Variants in SKAP1 observed in about 807,000 individuals in gnomAD.
The protein encoded by SKAP1 is src kinase associated phosphoprotein 1.
A neutral mutation model predicts 58.5 loss-of-function variants in SKAP1; 44 were observed. The observed-to-expected ratio is 0.75, with a 90% confidence interval of 0.59 to 0.97. The LOEUF (loss-of-function observed/expected upper bound fraction) is 0.97, where lower values mean the gene tolerates loss of function less well. Among genes scored for constraint, SKAP1 ranks in the 50% least tolerant of loss-of-function variants. The pLI is 0.00. For synonymous variants in SKAP1, 127 were observed against 149.7 expected, an observed-to-expected ratio of 0.85 and a Z score of 1.11; for missense variants, 390 against 435.2, an observed-to-expected ratio of 0.90 and a Z score of 0.92.
At chr17:48,196,234 T>C (rs1015845993) in intron 4 of SKAP1, among the ~76,000 whole-genome samples, 2 of 152,176 alleles carry the variant, frequency 1.3e-5, no homozygotes, top group African/African-American at 2.4e-5. Flanking sequence ...TGAGGAAAGA[T>C]TGGGTCTTCC....
At chr17:48,286,870 G>A (rs901569514) in intron 4 of SKAP1, among the ~76,000 whole-genome samples, 2 of 152,282 alleles carry the variant, frequency 1.3e-5, no homozygotes, top group Middle Eastern at 3.4e-3. Flanking sequence ...GGCCAAGGCG[G>A]GTGGATCACG....
intron 4 of SKAP1, chr17:48,204,115 C>T (rs1198760036): frequency 1.3e-5 from 2 of 149,836 alleles, no homozygotes; most frequent in Admixed American, 6.7e-5. Flanking sequence ...CAGAGTTTCA[C>T]TCTTGTTGCC....
chr17:48,187,636 G>A (rs2064475912), intron 6 of SKAP1, among the ~76,000 whole-genome samples: 1 of 152,126 alleles, frequency 6.6e-6, no homozygotes, highest in Non-Finnish European at 1.5e-5. Context: ...CACACTCTTA[G>A]TGTTTAAAGG....
intron 4 of SKAP1, among the ~76,000 whole-genome samples, chr17:48,213,801 C>A (rs1567823554): frequency 6.6e-6 from 1 of 152,154 alleles, no homozygotes; most frequent in Non-Finnish European, 1.5e-5. Flanking sequence ...CAGAGGAAGA[C>A]TTTTTTCCCT....
chr17:48,290,848 A>T (rs2065889554), intron 4 of SKAP1, among the ~76,000 whole-genome samples: 1 of 152,254 alleles, frequency 6.6e-6, no homozygotes, highest in Non-Finnish European at 1.5e-5. Flanking sequence ...CAAAAAATTA[A>T]AGACACTTCT....
intron 2 of SKAP1, among the ~76,000 whole-genome samples, chr17:48,389,723 C>G (rs1463164010): frequency 6.6e-6 from 1 of 152,102 alleles, no homozygotes; most frequent in Non-Finnish European, 1.5e-5. Context: ...AGGCTACACA[C>G]TAGGAGAGAA....
chr17:48,158,687 G>A (rs1167431488), intron 11 of SKAP1, among the ~76,000 whole-genome samples: 1 of 151,698 alleles, frequency 6.6e-6, no homozygotes, highest in Non-Finnish European at 1.5e-5. Flanking sequence ...GAGGCCGGGC[G>A]CAGTGGCTCA....
intron 4 of SKAP1, among the ~76,000 whole-genome samples, chr17:48,195,307 C>T (rs894189530): frequency 2.0e-5 from 3 of 152,132 alleles, no homozygotes; most frequent in African/African-American, 4.8e-5. Context: ...TGTCATCTTC[C>T]GATGCTAACA....
intron 2 of SKAP1, among the ~76,000 whole-genome samples, chr17:48,383,535 T>G (rs1311575716): frequency 3.3e-5 from 5 of 152,126 alleles, no homozygotes; most frequent in African/African-American, 1.2e-4. Context: ...CATTTTCATG[T>G]GTATGTATTT....
intron 4 of SKAP1, among the ~76,000 whole-genome samples, chr17:48,314,538 A>T (rs1044606146): frequency 7.2e-5 from 11 of 152,332 alleles, no homozygotes; most frequent in Non-Finnish European, 1.5e-4. Flanking sequence ...GGGAAAAAAA[A>T]GTAGGTGGCT....
intron 4 of SKAP1, among the ~76,000 whole-genome samples, chr17:48,275,193 C>T (rs1268241413): frequency 3.9e-5 from 6 of 152,184 alleles, no homozygotes; most frequent in Non-Finnish European, 2.9e-5. Flanking sequence ...TGGCTCCCAC[C>T]TTTAAAGCTA....
chr17:48,439,066 C>CTA, the SKAP1 span, among the ~76,000 whole-genome samples: 7 of 152,204 alleles, frequency 4.6e-5, no homozygotes, highest in Non-Finnish European at 8.8e-5. Context: ...TAATTTCAGG[C>CTA]TATACCATGT....
intron 4 of SKAP1, among the ~76,000 whole-genome samples, chr17:48,243,363 T>G (rs1316688655): frequency 6.6e-6 from 1 of 152,236 alleles, no homozygotes; most frequent in Non-Finnish European, 1.5e-5. Flanking sequence ...TTCTTCCCTT[T>G]GTTCTATAAA....
intron 4 of SKAP1, among the ~76,000 whole-genome samples, chr17:48,277,410 C>T (rs1644639841): frequency 6.6e-6 from 1 of 152,172 alleles, no homozygotes; most frequent in Non-Finnish European, 1.5e-5. Context: ...TGAAATTAAA[C>T]ATTTAAAAAG....
chr17:48,249,682 C>T (rs912328279), intron 4 of SKAP1, among the ~76,000 whole-genome samples: 3 of 151,792 alleles, frequency 2.0e-5, no homozygotes, highest in African/African-American at 7.3e-5. Context: ...AAAACAAAAC[C>T]CGGAAGCCCC....
At chr17:48,409,792 C>T (rs141074803) in intron 1 of SKAP1, among the ~76,000 whole-genome samples, 2 of 151,868 alleles carry the variant, frequency 1.3e-5, no homozygotes, top group East Asian at 1.9e-4. Flanking sequence ...CCGTATCATA[C>T]TATAATGGCA....
chr17:48,439,679 T>G, the SKAP1 span, among the ~76,000 whole-genome samples: 1 of 152,170 alleles, frequency 6.6e-6, no homozygotes, highest in Non-Finnish European at 1.5e-5. Flanking sequence ...ATCAGCACAA[T>G]TCATGCAGCT....
chr17:48,198,928 A>G lies in SKAP1; in HGVS notation c.281-9428T>C, dbSNP rs560261052. 1.1e-4 allele frequency among the ~76,000 whole-genome samples: 16 copies of G among 152,362 alleles called. No homozygotes were observed. The East Asian group carries it at 3.1e-3, about 29-fold the overall frequency. On this transcript the variant is annotated intron_variant, in intron 4 of 12. Transcript: ENST00000336915. ...AATCCTTCAATGGTCTCATGATTCTAAAAAGGAGAAGAGGATTTTAAAATG... is the reference window on the plus strand; with the variant it reads ...AATCCTTCAATGGTCTCATGATTCTGAAAAGGAGAAGAGGATTTTAAAATG...
chr17:48,325,305 AG>A (rs1266460220), intron 4 of SKAP1, among the ~76,000 whole-genome samples: 11 of 148,304 alleles, frequency 7.4e-5, no homozygotes, highest in Admixed American at 3.3e-4. Context: ...TTCTTCAGAG[AG>A]GCTTTCCCTC....
Sources: allele counts gnomAD v4.1 joint callset (sites outside exome capture counted in the v4.1 genomes callset), GRCh38; gene constraint gnomAD v4.1.1; transcripts MANE v1.5; gene names NCBI Gene and HGNC (gene_info 2026-07-23, HGNC 2026-07-21).